ATP8A2: variants seen among roughly 807,000 people sequenced by gnomAD.
ATP8A2 encodes phospholipid-transporting ATPase IB.
In ATP8A2, 100 loss-of-function variants were observed where a neutral mutation model predicts 165.6. The ratio of observed to expected loss-of-function variants is 0.60; its 90% CI spans 0.51 to 0.71. The LOEUF is 0.71. Among genes scored for constraint, ATP8A2 ranks in the 30% least tolerant of loss-of-function variants. The pLI is 0.00. For synonymous variants in ATP8A2, 543 were observed against 548.8 expected (o/e 0.99, Z 0.15); for missense variants, 1,227 against 1,479.5 (o/e 0.83, Z 2.80).
intron 2 of ATP8A2, among the ~76,000 whole-genome samples, chr13:25,495,674 T>C (rs1383259048): frequency 2.1e-5 from 3 of 141,778 alleles, no homozygotes; most frequent in Non-Finnish European, 4.5e-5. Context: ...ACTATGTTGC[T>C]CAGTCTGGTC....
chr13:25,697,560 C>T (rs188632023), intron 24 of ATP8A2, among the ~76,000 whole-genome samples: 3 of 152,260 alleles, frequency 2.0e-5, no homozygotes, highest in East Asian at 1.9e-4. Context: ...GGATTATAGG[C>T]GTGAGCCACT....
Position 26,019,976 on chromosome 13 carries a change from G to A in ATP8A2, c.3558G>A (p.Arg1186=), listed in dbSNP as rs749267100. The stretch of plus-strand genomic sequence containing the variant: ...ATGACACCACCAAAAAGAAATCCAG[G>A]AAGAAATAAGACATGAATTTTCCTG... ...RAYDTTKKKS[R]KK Residue 1186 remains arginine (R), a synonymous_variant, in exon 37 of 37, where the codon AGG becomes AGA. Coordinates refer to ENST00000381655, the MANE Select transcript of ATP8A2 (RefSeq NM_016529.6). The A allele has an allele frequency of 3.2e-5, 52 of 1,609,820 alleles. No individual in the cohort carries two copies. The highest frequency in any genetic ancestry group is 4.4e-5 in the Non-Finnish European group (52 of 1,176,188).
intron 33 of ATP8A2, among the ~76,000 whole-genome samples, chr13:25,943,977 A>G (rs997335522): frequency 6.6e-6 from 1 of 152,222 alleles, no homozygotes; most frequent in South Asian, 2.1e-4. Flanking sequence ...ATTGTTTTAA[A>G]CTGTTACATT....
chr13:25,429,367 A>G (rs1764641), intron 1 of ATP8A2, among the ~76,000 whole-genome samples: 92,516 of 138,318 alleles, frequency 0.67, 31,603 homozygotes, highest in East Asian at 0.99. Context: ...GTGTGACTCC[A>G]TCTTAAAAAA....
At chr13:25,407,090 T>G (rs746314250) in intron 1 of ATP8A2, among the ~76,000 whole-genome samples, 5 of 152,226 alleles carry the variant, frequency 3.3e-5, no homozygotes, top group African/African-American at 9.6e-5. Flanking sequence ...CAGAAGAGAC[T>G]GCCTAGATCT....
intron 35 of ATP8A2, among the ~76,000 whole-genome samples, chr13:26,008,104 C>G (rs1297601809): frequency 4.6e-5 from 7 of 152,108 alleles, no homozygotes; most frequent in Non-Finnish European, 1.0e-4. Flanking sequence ...CCACAGGGCC[C>G]TAGCAGAGGC....
intron 33 of ATP8A2, among the ~76,000 whole-genome samples, chr13:25,929,728 C>G (rs533836023): frequency 6.6e-6 from 1 of 152,140 alleles, no homozygotes; most frequent in African/African-American, 2.4e-5. Flanking sequence ...TGGCGCTGCA[C>G]CTCGACAATG....
At chr13:25,918,522 C>T (rs1031957165) in intron 33 of ATP8A2, among the ~76,000 whole-genome samples, 1 of 152,076 alleles carries the variant, frequency 6.6e-6, no homozygotes, top group Non-Finnish European at 1.5e-5. Context: ...CCCAGGACAC[C>T]AAAGGGAACC....
chr13:25,927,331 GT>G (rs1009631137), intron 33 of ATP8A2: 2 of 375,726 alleles, frequency 5.3e-6, no homozygotes, highest in African/African-American at 2.1e-5. Context: ...TCAGTGTTTG[GT>G]TTTTTTCTTT....
chr13:25,487,458 A>G (rs914738069), intron 2 of ATP8A2, among the ~76,000 whole-genome samples: 2 of 152,196 alleles, frequency 1.3e-5, no homozygotes, highest in South Asian at 2.1e-4. Context: ...GCAACAATGT[A>G]TAGTTCATAG....
At chr13:25,516,740 C>A (rs1242461994) in intron 2 of ATP8A2, among the ~76,000 whole-genome samples, 1 of 150,664 alleles carries the variant, frequency 6.6e-6, no homozygotes, top group Non-Finnish European at 1.5e-5. Context: ...GTTTTTATAC[C>A]ATGAAGTTCA....
intron 24 of ATP8A2, among the ~76,000 whole-genome samples, chr13:25,590,743 T>C (rs1388153791): frequency 6.6e-6 from 1 of 152,174 alleles, no homozygotes; most frequent in Non-Finnish European, 1.5e-5. Context: ...TAATTACTCT[T>C]TTAAAGGGAG....
chr13:25,378,478 GC>G (rs1435859553), intron 1 of ATP8A2, among the ~76,000 whole-genome samples: 7 of 152,024 alleles, frequency 4.6e-5, no homozygotes, highest in Admixed American at 4.6e-4. Context: ...GAAGATTTAT[GC>G]CATTTTGATT....
At chr13:25,908,035 C>T (rs1032479505) in intron 33 of ATP8A2, among the ~76,000 whole-genome samples, 3 of 152,018 alleles carry the variant, frequency 2.0e-5, no homozygotes, top group African/African-American at 2.4e-5. Flanking sequence ...GATAAAAGTT[C>T]GGTGATGACA....
chr13:25,616,326 C>CTTTCTTTCTTTTTTT (rs1357480265), intron 24 of ATP8A2, among the ~76,000 whole-genome samples: 1 of 106,754 alleles, frequency 9.4e-6, no homozygotes, highest in African/African-American at 3.8e-5. Context: ...TTCTTTCTTT[C>CTTTCTTTCTTTTTTT]TTTTTTTTTT....
intron 30 of ATP8A2, among the ~76,000 whole-genome samples, chr13:25,859,335 C>T (rs1238611829): frequency 6.6e-6 from 1 of 151,972 alleles, no homozygotes; most frequent in Non-Finnish European, 1.5e-5. Context: ...TGTAACAAAC[C>T]TGCGCATGTA....
intron 27 of ATP8A2, among the ~76,000 whole-genome samples, chr13:25,814,999 A>T (rs918530983): frequency 5.3e-5 from 8 of 152,032 alleles, no homozygotes; most frequent in African/African-American, 1.9e-4. Flanking sequence ...ATACCACTGC[A>T]TTCCAGCCTG....
At chr13:25,787,884 A>G (rs1212744637) in intron 27 of ATP8A2, among the ~76,000 whole-genome samples, 1 of 152,232 alleles carries the variant, frequency 6.6e-6, no homozygotes, top group Non-Finnish European at 1.5e-5. Context: ...CCAGAATAGC[A>G]TTGACAGTAA....
chr13:25,824,386 T>G (rs1951259524), intron 27 of ATP8A2, among the ~76,000 whole-genome samples: 1 of 152,234 alleles, frequency 6.6e-6, no homozygotes, highest in African/African-American at 2.4e-5. Context: ...TAACTTTCGT[T>G]GCAAAGAAAA....
Sources: allele counts gnomAD v4.1 joint callset (sites outside exome capture counted in the v4.1 genomes callset), GRCh38; gene constraint gnomAD v4.1.1; transcripts MANE v1.5; gene names NCBI Gene and HGNC (gene_info 2026-07-23, HGNC 2026-07-21).